Variants in POU2F3 observed in about 807,000 individuals in gnomAD.
POU2F3 encodes the protein POU domain, class 2, transcription factor 3.
POU2F3 carries 23 observed loss-of-function variants against 59.2 expected under a neutral mutation model. The ratio of observed to expected loss-of-function variants is 0.39; its 90% CI spans 0.28 to 0.55. POU2F3 has a LOEUF of 0.55. POU2F3 is among the 20% of genes least tolerant of loss of function. The pLI is 0.66. For missense variants in POU2F3, 473 were observed against 544.5 expected, an observed-to-expected ratio of 0.87 and a Z score of 1.31; for synonymous variants, 190 against 214.6, an observed-to-expected ratio of 0.89 and a Z score of 1.00.
chr11:120,267,842 G>A (rs183959447), intron 2 of POU2F3, among the ~76,000 whole-genome samples: 203 of 73,094 alleles, frequency 2.8e-3, no homozygotes, highest in African/African-American at 0.01. Context: ...CATATGCTGC[G>A]TAGTGCTGGG....
chr11:120,293,072 C>A (rs1941077642), intron 3 of POU2F3, among the ~76,000 whole-genome samples: 1 of 152,180 alleles, frequency 6.6e-6, no homozygotes, highest in Non-Finnish European at 1.5e-5. Context: ...GTAGCAACCC[C>A]ACATGGTCCC....
chr11:120,306,049 A>T (rs1306901822), intron 8 of POU2F3, among the ~76,000 whole-genome samples: 2 of 152,016 alleles, frequency 1.3e-5, no homozygotes, highest in Non-Finnish European at 2.9e-5. Context: ...ACCCCATCCC[A>T]CCCAGCATAG....
intron 3 of POU2F3, among the ~76,000 whole-genome samples, chr11:120,286,011 T>C (rs1033631841): frequency 2.0e-5 from 3 of 152,100 alleles, no homozygotes; most frequent in African/African-American, 7.2e-5. Context: ...GCCTCCCCAG[T>C]AGCTGGGATC....
chr11:120,304,612 C>A (rs1310353403), intron 6 of POU2F3, among the ~76,000 whole-genome samples: 6 of 149,834 alleles, frequency 4.0e-5, no homozygotes, highest in African/African-American at 1.5e-4. Context: ...TGGAAAAAAA[C>A]AAAAAACAAA....
At chr11:120,241,444 T>G (rs1360148301) in intron 1 of POU2F3, among the ~76,000 whole-genome samples, 2 of 152,138 alleles carry the variant, frequency 1.3e-5, no homozygotes, top group African/African-American at 2.4e-5. Context: ...GAGTGCCCAG[T>G]TCCCCAGATG....
At chr11:120,307,168 C>T (rs1941517265) in intron 8 of POU2F3, among the ~76,000 whole-genome samples, 1 of 152,248 alleles carries the variant, frequency 6.6e-6, no homozygotes, top group Non-Finnish European at 1.5e-5. Context: ...GTCACCGATG[C>T]ATGAGCATCC....
intron 3 of POU2F3, among the ~76,000 whole-genome samples, chr11:120,287,014 A>C (rs1449908386): frequency 6.6e-6 from 1 of 152,174 alleles, no homozygotes. Flanking sequence ...ACCCATCGTT[A>C]ATCAACCCTA....
rs540601282 is a variant in POU2F3 at position 120,261,079 on chromosome 11, A to C, written c.98-8131A>C. Reference sequence around the variant, plus strand: ...AGACATTGTCTCAAAAAAACAGAAAAGATTCCAAGAATGGAGTCTTGCCAG... The same window carrying C: ...AGACATTGTCTCAAAAAAACAGAAACGATTCCAAGAATGGAGTCTTGCCAG... On this transcript the variant is annotated intron_variant, in intron 2 of 12. Coordinates refer to ENST00000543440, the MANE Select transcript of POU2F3 (RefSeq NM_014352.4). 6.6e-5 allele frequency among the ~76,000 whole-genome samples: 10 copies of C among 151,970 alleles called. No homozygotes were observed. The East Asian group carries it at 1.9e-3, about 29-fold the overall frequency.
At chr11:120,312,970 G>A (rs1460881671) in intron 10 of POU2F3, among the ~76,000 whole-genome samples, 1 of 152,154 alleles carries the variant, frequency 6.6e-6, no homozygotes. Context: ...AGGTTCCAAG[G>A]TTGATGGTGG....
intron 4 of POU2F3, among the ~76,000 whole-genome samples, chr11:120,299,191 G>A (rs980938409): frequency 6.6e-6 from 1 of 152,198 alleles, no homozygotes; most frequent in African/African-American, 2.4e-5. Context: ...TTCTGGCCCA[G>A]GAAACAGCCG....
chr11:120,307,357 G>T (rs1166253990), intron 8 of POU2F3, 122 bp from the exon 9 acceptor site: 5 of 1,123,522 alleles, frequency 4.5e-6, no homozygotes, highest in Non-Finnish European at 6.5e-6. Context: ...TGGGGGAGGG[G>T]ATTGCTCCTG....
At chr11:120,287,535 A>G (rs1250404890) in intron 3 of POU2F3, among the ~76,000 whole-genome samples, 1 of 152,216 alleles carries the variant, frequency 6.6e-6, no homozygotes, top group Non-Finnish European at 1.5e-5. Flanking sequence ...TGTATCAGAG[A>G]TTATTTCCCT....
At chr11:120,273,071 T>C (rs773384370) in intron 3 of POU2F3, among the ~76,000 whole-genome samples, 2 of 152,206 alleles carry the variant, frequency 1.3e-5, no homozygotes, top group African/African-American at 2.4e-5. Context: ...TATTTGTCCA[T>C]TGAAGAGAAA....
upstream of POU2F3, among the ~76,000 whole-genome samples, chr11:120,239,416 C>T (rs939414990): frequency 2.0e-5 from 3 of 152,250 alleles, no homozygotes; most frequent in African/African-American, 7.2e-5. Flanking sequence ...GCCGCTTCCC[C>T]GCTCTGGAAG....
chr11:120,254,550 A>G (rs993998373), intron 2 of POU2F3, among the ~76,000 whole-genome samples: 18 of 152,162 alleles, frequency 1.2e-4, no homozygotes, highest in African/African-American at 4.1e-4. Flanking sequence ...AGGACTGTCT[A>G]GGAGGTGAAG....
intron 10 of POU2F3, 102 bp from the exon 11 acceptor site, chr11:120,315,259 C>A: frequency 9.0e-7 from 1 of 1,105,480 alleles, no homozygotes; most frequent in South Asian, 1.3e-5. Context: ...GGAAGCCAAG[C>A]CCTGGTCTCT....
chr11:120,241,424 A>G (rs1260404121), intron 1 of POU2F3, among the ~76,000 whole-genome samples: 2 of 152,208 alleles, frequency 1.3e-5, no homozygotes, highest in African/African-American at 4.8e-5. Flanking sequence ...GCCCGGAGGG[A>G]GGGGACCTGG....
At chr11:120,317,662 G>T (rs759222540) in intron 12 of POU2F3, among the ~76,000 whole-genome samples, 1 of 152,164 alleles carries the variant, frequency 6.6e-6, no homozygotes, top group Admixed American at 6.5e-5. Flanking sequence ...AAAGAGCCAG[G>T]TCCTTTGCTG....
At chr11:120,303,770 A>G (rs966376842) in intron 6 of POU2F3, 4 of 152,210 alleles carry the variant, frequency 2.6e-5, no homozygotes, top group Non-Finnish European at 4.4e-5. Flanking sequence ...TACCTTCTTC[A>G]TCATAAGGAT....
Sources: gnomAD v4.1 joint callset for allele counts (sites outside exome capture counted in the v4.1 genomes callset) on GRCh38, gnomAD v4.1.1 for gene constraint, MANE v1.5 for transcripts, NCBI Gene and HGNC (gene_info 2026-07-23, HGNC 2026-07-21) for gene names.